Variants in FHOD3 observed in about 807,000 individuals in gnomAD.
FHOD3 encodes the protein formin homology 2 domain containing 3.
Under a neutral mutation model 173.0 loss-of-function variants are expected in FHOD3, and 90 were observed. The ratio of observed to expected loss-of-function variants is 0.52; its 90% CI spans 0.44 to 0.62. The LOEUF (loss-of-function observed/expected upper bound fraction) is 0.62. FHOD3 is among the 20% of genes least tolerant of loss of function. The pLI is 0.00. For missense variants in FHOD3, 1,945 were observed against 2,034.7 expected (o/e 0.96, Z 0.85); for synonymous variants, 828 against 823.0 (o/e 1.01, Z -0.10).
intron 20 of FHOD3, among the ~76,000 whole-genome samples, chr18:36,732,826 G>C (rs1250938514): frequency 6.6e-6 from 1 of 152,178 alleles, no homozygotes; most frequent in Non-Finnish European, 1.5e-5. Flanking sequence ...GGGTGGACCT[G>C]GATGTACCAA....
intron 3 of FHOD3, among the ~76,000 whole-genome samples, chr18:36,482,605 A>G (rs191073865): frequency 6.6e-6 from 1 of 152,162 alleles, no homozygotes; most frequent in African/African-American, 2.4e-5. Flanking sequence ...TGAGCAACTG[A>G]TGCAGACCCC....
chr18:36,595,430 C>A (rs1314251650), intron 7 of FHOD3, among the ~76,000 whole-genome samples: 1 of 152,174 alleles, frequency 6.6e-6, no homozygotes, highest in Non-Finnish European at 1.5e-5. Flanking sequence ...TAAAGTCAGT[C>A]CCCTGGCTAA....
At chr18:36,350,864 T>C (rs1290358802) in intron 1 of FHOD3, among the ~76,000 whole-genome samples, 1 of 152,244 alleles carries the variant, frequency 6.6e-6, no homozygotes, top group Non-Finnish European at 1.5e-5. Flanking sequence ...ACTGACAAGA[T>C]TGAGGAATTC....
At chr18:36,576,957 G>T (rs951119781) in intron 6 of FHOD3, among the ~76,000 whole-genome samples, 1 of 152,082 alleles carries the variant, frequency 6.6e-6, no homozygotes, top group East Asian at 1.9e-4. Context: ...GCTGGGCATG[G>T]TGGCACGCGC....
In FHOD3 at chr18:36,629,703, C is replaced by A. The variant is rs143434453; in HGVS notation, c.1196+3954C>A. ...GATGGCTGATCATGAGTTCCCAGGG[C>A]ACAGAGGAAGATTGAGGGGTCGGAG... On this transcript the variant is annotated intron_variant, in intron 10 of 28. Coordinates refer to ENST00000590592, the MANE Select transcript of FHOD3 (RefSeq NM_001281740.3). Among the ~76,000 whole-genome samples the A allele has an allele frequency of 1.9e-3, 291 of 151,990 alleles. 4 individuals are homozygous for A. Among genetic ancestry groups the A allele is most frequent in the African/African-American group, 6.8e-3 (283 of 41,382 alleles).
intron 13 of FHOD3, among the ~76,000 whole-genome samples, chr18:36,656,040 G>A (rs2036404439): frequency 6.6e-6 from 1 of 152,198 alleles, no homozygotes; most frequent in Admixed American, 6.5e-5. Flanking sequence ...GAGCATCCAG[G>A]CAGCTGCTGA....
chr18:36,419,990 G>A (rs147357060), intron 3 of FHOD3, among the ~76,000 whole-genome samples: 11 of 152,312 alleles, frequency 7.2e-5, no homozygotes, highest in Admixed American at 1.3e-4. Context: ...ATGACTTCCG[G>A]AGGCATCTGA....
chr18:36,560,990 A>G (rs192967245), intron 5 of FHOD3, among the ~76,000 whole-genome samples: 3 of 151,988 alleles, frequency 2.0e-5, no homozygotes, highest in Non-Finnish European at 4.4e-5. Flanking sequence ...CCCTCATGAA[A>G]TTTAAATTCC....
intron 5 of FHOD3, among the ~76,000 whole-genome samples, chr18:36,548,731 C>T (rs2057517940): frequency 6.6e-6 from 1 of 152,224 alleles, no homozygotes; most frequent in South Asian, 2.1e-4. Flanking sequence ...CAGCATACTT[C>T]TTTCACACGT....
At chr18:36,515,920 C>G (rs933156918) in intron 5 of FHOD3, among the ~76,000 whole-genome samples, 2 of 152,200 alleles carry the variant, frequency 1.3e-5, no homozygotes, top group African/African-American at 4.8e-5. Context: ...ACTTGGTCAC[C>G]AGGGCACTGT....
intron 20 of FHOD3, among the ~76,000 whole-genome samples, chr18:36,739,691 A>C (rs1398757287): frequency 6.6e-6 from 1 of 152,300 alleles, no homozygotes; most frequent in Non-Finnish European, 1.5e-5. Context: ...ACTTAACAGG[A>C]TTTGTTAGAG....
At chr18:36,724,299 C>A (rs2040940298) in intron 19 of FHOD3, among the ~76,000 whole-genome samples, 2 of 152,178 alleles carry the variant, frequency 1.3e-5, no homozygotes, top group Non-Finnish European at 2.9e-5. Context: ...ATTCCTATTA[C>A]CATGTGTGAC....
At chr18:36,643,403 A>T (rs1313288528) in intron 10 of FHOD3, among the ~76,000 whole-genome samples, 2 of 152,040 alleles carry the variant, frequency 1.3e-5, no homozygotes, top group East Asian at 3.8e-4. Flanking sequence ...GACAACTAAA[A>T]ATGTCTCCAG....
intron 5 of FHOD3, among the ~76,000 whole-genome samples, chr18:36,525,023 G>A (rs2056448619): frequency 6.6e-6 from 1 of 152,180 alleles, no homozygotes; most frequent in East Asian, 1.9e-4. Context: ...TCCTGTGATA[G>A]GCAGAATTCT....
chr18:36,358,316 A>G (rs2046455438), intron 2 of FHOD3, among the ~76,000 whole-genome samples: 1 of 152,216 alleles, frequency 6.6e-6, no homozygotes, highest in Non-Finnish European at 1.5e-5. Context: ...TCCAGTTGAA[A>G]CAGCTTTGCT....
intron 10 of FHOD3, among the ~76,000 whole-genome samples, chr18:36,643,964 T>A (rs2035507960): frequency 6.6e-6 from 1 of 152,172 alleles, no homozygotes; most frequent in African/African-American, 2.4e-5. Context: ...ATTTTCCTTT[T>A]GGTGTTTGGA....
At chr18:36,631,896 A>G (rs921406425) in intron 10 of FHOD3, among the ~76,000 whole-genome samples, 2 of 152,250 alleles carry the variant, frequency 1.3e-5, no homozygotes, top group African/African-American at 4.8e-5. Flanking sequence ...ATATCAATAC[A>G]TTAAAAATTA....
chr18:36,652,507 C>T (rs904786085), intron 11 of FHOD3, 63 bp from the exon 12 acceptor site: 2 of 1,472,436 alleles, frequency 1.4e-6, no homozygotes, highest in South Asian at 1.4e-5. Flanking sequence ...TTTTTCCTAA[C>T]CTTTGCTCCT....
At chr18:36,773,634 G>A (rs112469753) in intron 28 of FHOD3, among the ~76,000 whole-genome samples, 14 of 152,150 alleles carry the variant, frequency 9.2e-5, no homozygotes, top group African/African-American at 2.2e-4. Flanking sequence ...ACAGGTTCCC[G>A]CCACCTTTCT....
Sources: allele counts gnomAD v4.1 joint callset (sites outside exome capture counted in the v4.1 genomes callset), GRCh38; gene constraint gnomAD v4.1.1; transcripts MANE v1.5; gene names NCBI Gene and HGNC (gene_info 2026-07-23, HGNC 2026-07-21).